Variants in LRRC7 observed in about 807,000 individuals in gnomAD.
The protein encoded by LRRC7 is leucine rich repeat containing 7.
A neutral mutation model predicts 175.7 loss-of-function variants in LRRC7; 23 were observed. That is an observed-to-expected ratio of 0.13 (90% CI 0.09 to 0.19). LRRC7 has a LOEUF of 0.19. Ranked by LOEUF, LRRC7 falls within the 10% of genes least tolerant of loss-of-function variation. The pLI is 1.00. For synonymous variants in LRRC7, 685 were observed against 680.9 expected (o/e 1.01, Z -0.09); for missense variants, 1,354 against 1,904.7 (o/e 0.71, Z 5.38).
chr1:69,682,893 G>T (rs1660676774), intron 2 of LRRC7, among the ~76,000 whole-genome samples: 1 of 152,076 alleles, frequency 6.6e-6, no homozygotes, highest in Non-Finnish European at 1.5e-5. Context: ...AATTTTGGAA[G>T]ACAGTTTGAA....
At chr1:69,940,122 A>G (rs1441350937) in intron 8 of LRRC7, among the ~76,000 whole-genome samples, 1 of 152,162 alleles carries the variant, frequency 6.6e-6, no homozygotes, top group African/African-American at 2.4e-5. Context: ...TCATTCAATT[A>G]AAATGAACTT....
chr1:69,760,508 T>A, intron 3 of LRRC7, 115 bp downstream of exon 3: 1 of 820,566 alleles, frequency 1.2e-6, no homozygotes, highest in East Asian at 2.7e-5. Context: ...TGACAAGTCA[T>A]TGAAATTGAT....
chr1:69,915,450 G>A (rs1314360799), intron 7 of LRRC7, among the ~76,000 whole-genome samples: 1 of 152,246 alleles, frequency 6.6e-6, no homozygotes, highest in Non-Finnish European at 1.5e-5. Flanking sequence ...AGTTTTGATA[G>A]AAAAACTTCT....
chr1:70,087,955 C>T (rs142308560), intron 24 of LRRC7, among the ~76,000 whole-genome samples: 64 of 152,222 alleles, frequency 4.2e-4, no homozygotes, highest in African/African-American at 1.4e-3. Flanking sequence ...AAATAGGACT[C>T]AGTTTGCCTT....
chr1:69,575,351 T>C (rs1223365181), intron 1 of LRRC7, among the ~76,000 whole-genome samples: 1 of 152,200 alleles, frequency 6.6e-6, no homozygotes, highest in Non-Finnish European at 1.5e-5. Context: ...GCCAATTTGA[T>C]GACACTATCC....
chr1:70,039,390 G>A lies in LRRC7; in HGVS notation c.3566G>A (p.Gly1189Glu). Reference protein sequence around the residue: ...DRYGRPPYRGGLDRQSSVTVT... With the variant: ...DRYGRPPYRGELDRQSSVTVT... ...TACGGCAGACCCCCATATAGGGGAG[G>A]GCTGGATCGCCAAAGCAGCGTTACA... The change falls in exon 21 of 27, where the codon GGG becomes GAG. Residue 1189 changes from glycine (G) to glutamate (E), a missense_variant. Physicochemically the swap from Gly to Glu is moderately conservative, Grantham distance 98. This residue lies in a region of LRRC7 where 1,032 missense variants were observed against 1,227.2 expected (regional missense o/e 0.84). Transcript: ENST00000651989. 4.3e-6 allele frequency: 7 copies of A among 1,614,094 alleles called. No homozygotes were observed. The highest frequency in any genetic ancestry group is 5.9e-6 in the Non-Finnish European group (7 of 1,180,022).
chr1:70,088,228 A>G lies in LRRC7; in HGVS notation c.4453-1499A>G, dbSNP rs115159578. Among the ~76,000 whole-genome samples, 1,290 of 152,238 alleles carry G rather than the reference A, an allele frequency of 8.5e-3. 12 individuals carry two copies. The highest frequency in any genetic ancestry group is 0.029 in the African/African-American group (1,217 of 41,536). ...ATCTTTTGCCTGCTAACCTTTGGTA[A>G]CACTTGGTTCACCTAATACTTACTC... On this transcript the variant is annotated intron_variant, in intron 24 of 26. Transcript: ENST00000651989.
intron 1 of LRRC7, among the ~76,000 whole-genome samples, chr1:69,664,669 A>G (rs1036730896): frequency 1.3e-5 from 2 of 152,120 alleles, no homozygotes; most frequent in African/African-American, 4.8e-5. Flanking sequence ...TTTTCCTATC[A>G]TATTGCTTGA....
intron 8 of LRRC7, among the ~76,000 whole-genome samples, chr1:69,970,063 T>A (rs965658698): frequency 2.0e-5 from 3 of 152,048 alleles, no homozygotes; most frequent in Admixed American, 2.0e-4. Flanking sequence ...GATGGAAATT[T>A]AAAAATTCTT....
chr1:69,978,924 T>C (rs1653110136), intron 8 of LRRC7, among the ~76,000 whole-genome samples: 1 of 125,592 alleles, frequency 8.0e-6, no homozygotes, highest in Non-Finnish European at 1.7e-5. Context: ...TAATAATTGT[T>C]TCAGTTAGAA....
At chr1:69,817,743 A>G (rs1471908967) in intron 4 of LRRC7, among the ~76,000 whole-genome samples, 2 of 152,094 alleles carry the variant, frequency 1.3e-5, no homozygotes, top group Non-Finnish European at 2.9e-5. Context: ...AAACAACATT[A>G]ATTGTTTCAC....
Position 70,128,112 on chromosome 1 carries a change from C to A in LRRC7, c.*6225C>A, listed in dbSNP as rs1666522292. Reference sequence around the variant, plus strand: ...GAGTAGCTGGGATTACAGGTGCGTGCCACCACACTGGGCTAATTTTTGTAT... The same window carrying A: ...GAGTAGCTGGGATTACAGGTGCGTGACACCACACTGGGCTAATTTTTGTAT... On this transcript the variant is annotated 3_prime_UTR_variant, in exon 27 of 27. Coordinates refer to ENST00000651989, the MANE Select transcript of LRRC7 (RefSeq NM_001370785.2). Among the ~76,000 whole-genome samples the A allele has an allele frequency of 6.6e-6, 1 of 152,132 alleles. No individual in the cohort carries two copies. Among genetic ancestry groups the A allele is most frequent in the African/African-American group, 2.4e-5 (1 of 41,404 alleles).
intron 1 of LRRC7, among the ~76,000 whole-genome samples, chr1:69,646,297 T>A (rs1655001425): frequency 6.6e-6 from 1 of 152,276 alleles, no homozygotes; most frequent in East Asian, 1.9e-4. Flanking sequence ...CTGATGAGTA[T>A]CTTTGCATAG....
intron 8 of LRRC7, among the ~76,000 whole-genome samples, chr1:69,944,259 C>T (rs1213547539): frequency 2.0e-5 from 3 of 152,022 alleles, no homozygotes; most frequent in East Asian, 3.9e-4. Context: ...ATTTCACTTA[C>T]CAAAATATCT....
intron 1 of LRRC7, among the ~76,000 whole-genome samples, chr1:69,616,026 A>G (rs991033791): frequency 1.3e-5 from 2 of 152,060 alleles, no homozygotes; most frequent in Non-Finnish European, 2.9e-5. Flanking sequence ...AGACAAGGCA[A>G]ATTTTAAATG....
In LRRC7 at chr1:70,024,583, A is replaced by G. The variant is rs78775392; in HGVS notation, c.1794+1209A>G. On this transcript the variant is annotated intron_variant, in intron 17 of 26. Transcript: ENST00000651989. ...GCAAATACTTTATAGTGAGTGATCA[A>G]CACAACACAGTTTTGCAAGAATATA... Among the ~76,000 whole-genome samples the G allele has an allele frequency of 7.2e-5, 11 of 152,212 alleles. No individual in the cohort carries two copies. In the East Asian group the frequency reaches 2.1e-3, roughly 29 times the overall value.
intron 2 of LRRC7, among the ~76,000 whole-genome samples, chr1:69,704,269 C>T (rs185877103): frequency 2.6e-5 from 4 of 151,884 alleles, no homozygotes; most frequent in African/African-American, 7.2e-5. Flanking sequence ...AAGGGAAATA[C>T]AATTATAACA....
At chr1:69,694,011 G>A (rs987549689) in intron 2 of LRRC7, among the ~76,000 whole-genome samples, 1 of 152,116 alleles carries the variant, frequency 6.6e-6, no homozygotes, top group East Asian at 1.9e-4. Flanking sequence ...GGCCTACATT[G>A]TTCAAGCAAA....
intron 25 of LRRC7, among the ~76,000 whole-genome samples, chr1:70,102,144 G>A (rs140851704): frequency 1.3e-5 from 2 of 152,316 alleles, no homozygotes; most frequent in African/African-American, 4.8e-5. Flanking sequence ...TGATACTCCT[G>A]ACTTGGAGCT....
Sources: gnomAD v4.1 joint callset for allele counts (sites outside exome capture counted in the v4.1 genomes callset) on GRCh38, gnomAD v4.1.1 for gene constraint, gnomAD v4.1.1 regional missense constraint, MANE v1.5 for transcripts, NCBI Gene and HGNC (gene_info 2026-07-23, HGNC 2026-07-21) for gene names.